The following RHEX variants were observed in gnomAD, a reference collection of about 807,000 sequenced individuals.
RHEX encodes the protein regulator of hemoglobinization and erythroid cell expansion.
RHEX carries 18 observed loss-of-function variants against 20.1 expected under a neutral mutation model. The observed-to-expected ratio is 0.90, with a 90% confidence interval of 0.62 to 1.33. The LOEUF is 1.33. Among genes scored for constraint, RHEX ranks in the 40% most tolerant of loss-of-function variants. The pLI, the probability that RHEX is intolerant of heterozygous loss-of-function variation, is 0.00. For synonymous variants in RHEX, 87 were observed against 77.1 expected (o/e 1.13, Z -0.67); for missense variants, 192 against 214.3 (o/e 0.90, Z 0.65).
At chr1:206,078,112 A>G (rs577428046) in intron 1 of RHEX, among the ~76,000 whole-genome samples, 35 of 152,348 alleles carry the variant, frequency 2.3e-4, no homozygotes, top group African/African-American at 8.4e-4. Context: ...TTTCGTGTTC[A>G]GGCTTGGGTT....
In RHEX at chr1:206,099,664, G is replaced by A; in HGVS notation, c.122G>A (p.Ser41Asn). 1 of 1,613,988 alleles carries A rather than the reference G, an allele frequency of 6.2e-7. No homozygotes were observed. Among genetic ancestry groups the A allele is most frequent in the Non-Finnish European group, 8.5e-7 (1 of 1,179,970 alleles). ...GCCCTCTCCCTTCCAGCCCACAAGA[G>A]TGAACAGATACTGAAAGCGGCCAGT... is the stretch of plus-strand genomic sequence containing the variant. ...YLLSRHMAHK[S>N]EQILKAASLQ... The change falls in exon 4 of 6, where the codon AGT becomes AAT. Residue 41 changes from serine (S) to asparagine (N), a missense_variant. Coordinates refer to ENST00000331555, the MANE Select transcript of RHEX (RefSeq NM_001007544.4).
intron 1 of RHEX, among the ~76,000 whole-genome samples, chr1:206,089,653 G>T (rs979273478): frequency 7.3e-5 from 11 of 151,724 alleles, no homozygotes; most frequent in African/African-American, 2.4e-4. Context: ...CTGTTTGGGG[G>T]CCCTAGTGTT....
chr1:206,068,289 G>A (rs985404503), intron 1 of RHEX, among the ~76,000 whole-genome samples: 8 of 152,188 alleles, frequency 5.3e-5, no homozygotes, highest in African/African-American at 1.9e-4. Context: ...GTACAATAAA[G>A]TGAGGAGAGT....
At chr1:206,073,325 T>C (rs1399628480) in intron 1 of RHEX, among the ~76,000 whole-genome samples, 1 of 152,192 alleles carries the variant, frequency 6.6e-6, no homozygotes, top group African/African-American at 2.4e-5. Flanking sequence ...CATACATCTG[T>C]TTCCTGGACT....
chr1:206,070,628 T>C (rs1288961202), intron 1 of RHEX, among the ~76,000 whole-genome samples: 2 of 152,240 alleles, frequency 1.3e-5, no homozygotes, highest in Non-Finnish European at 2.9e-5. Flanking sequence ...CAGCTTCTCG[T>C]GTCCAGTGAG....
At chr1:206,084,867 T>C (rs1192169885) in intron 1 of RHEX, among the ~76,000 whole-genome samples, 1 of 152,200 alleles carries the variant, frequency 6.6e-6, no homozygotes, top group African/African-American at 2.4e-5. Flanking sequence ...TACAAGTCCA[T>C]GAAGCCAGCA....
chr1:206,080,326 G>C (rs1011851247), intron 1 of RHEX: 6 of 152,138 alleles, frequency 3.9e-5, no homozygotes, highest in African/African-American at 1.4e-4. Context: ...CTGGGGCTTA[G>C]GCAAAAAAAG....
chr1:206,088,926 C>T (rs1347079871), intron 1 of RHEX, among the ~76,000 whole-genome samples: 1 of 152,078 alleles, frequency 6.6e-6, no homozygotes, highest in East Asian at 1.9e-4. Flanking sequence ...CTCAAGTGAT[C>T]CTCCTGCTTC....
At chr1:206,082,227 G>A (rs1192501457) in intron 1 of RHEX, among the ~76,000 whole-genome samples, 10 of 152,130 alleles carry the variant, frequency 6.6e-5, no homozygotes, top group African/African-American at 2.4e-4. Flanking sequence ...GAATAAAAAT[G>A]TTAATAGCGG....
At chr1:206,070,542 G>A (rs138357165) in intron 1 of RHEX, among the ~76,000 whole-genome samples, 2,635 of 152,300 alleles carry the variant, frequency 0.017, 48 homozygotes, top group Non-Finnish European at 0.024. Context: ...AGTCCTGAGA[G>A]AAATCTCCCA....
At chr1:206,098,471 A>G (rs1663124276) in intron 3 of RHEX, 1 of 364,450 alleles carries the variant, frequency 2.7e-6, no homozygotes. Flanking sequence ...CCTACGAGGA[A>G]GTGCTCGTGT....
At chr1:206,054,127 A>C (rs1662136480) in intron 1 of RHEX, among the ~76,000 whole-genome samples, 2 of 3,496 alleles carry the variant, frequency 5.7e-4, no homozygotes, top group Non-Finnish European at 1.6e-3. Context: ...GGTTATCTTC[A>C]AAAAAAAAAA....
At chr1:206,077,900 A>G (rs1553285442) in intron 1 of RHEX, among the ~76,000 whole-genome samples, 2 of 152,212 alleles carry the variant, frequency 1.3e-5, no homozygotes, top group African/African-American at 4.8e-5. Flanking sequence ...ATGATTGCTT[A>G]TCAGTAGCAA....
At chr1:206,065,952 A>G (rs1220717438) in intron 1 of RHEX, among the ~76,000 whole-genome samples, 1 of 152,246 alleles carries the variant, frequency 6.6e-6, no homozygotes, top group Non-Finnish European at 1.5e-5. Flanking sequence ...CCCCAGGACT[A>G]AAGGGACCAA....
At chr1:206,072,957 C>T (rs1190767436) in intron 1 of RHEX, among the ~76,000 whole-genome samples, 2 of 151,726 alleles carry the variant, frequency 1.3e-5, no homozygotes, top group African/African-American at 4.8e-5. Flanking sequence ...CCCGCCTCAA[C>T]CCCCCAAGTA....
At chr1:206,054,409 C>A (rs1185114166) in intron 1 of RHEX, among the ~76,000 whole-genome samples, 1 of 152,070 alleles carries the variant, frequency 6.6e-6, no homozygotes, top group Non-Finnish European at 1.5e-5. Context: ...GTAAAACATA[C>A]CTTTGGTAAA....
Position 206,101,828 on chromosome 1 carries a change from A to G in RHEX, c.395A>G (p.Tyr132Cys). ...CTAAAAAATGACTCCCCGCTGGACT[A>G]TGAGAACATAAAGGAAATCACAGAT... ...GELKNDSPLD[Y>C]ENIKEITDYV... The change falls in exon 6 of 6, where the codon TAT becomes TGT. Residue 132 changes from tyrosine (Y) to cysteine (C), a missense_variant. By Grantham distance (194) the Tyr-to-Cys change is radical. Coordinates refer to ENST00000331555, the MANE Select transcript of RHEX (RefSeq NM_001007544.4). 1 of 1,614,050 alleles carries G rather than the reference A, an allele frequency of 6.2e-7. No homozygotes were observed. The highest frequency in any genetic ancestry group is 1.1e-5 in the South Asian group (1 of 91,086).
At chr1:206,061,905 T>C (rs1662316743) in intron 1 of RHEX, 2 of 151,264 alleles carry the variant, frequency 1.3e-5, no homozygotes, top group African/African-American at 4.9e-5. Flanking sequence ...GATTTATGTG[T>C]GTGTTTAAAA....
At chr1:206,073,491 C>G (rs372293380) in intron 1 of RHEX, among the ~76,000 whole-genome samples, 2 of 152,250 alleles carry the variant, frequency 1.3e-5, no homozygotes, top group African/African-American at 4.8e-5. Flanking sequence ...TTATTATCAT[C>G]TCTAAGAAGT....
Sources: allele counts gnomAD v4.1 joint callset (sites outside exome capture counted in the v4.1 genomes callset), GRCh38; gene constraint gnomAD v4.1.1; transcripts MANE v1.5; gene names NCBI Gene and HGNC (gene_info 2026-07-23, HGNC 2026-07-21).